The following GABRB2 variants were observed in gnomAD, a reference collection of about 807,000 sequenced individuals.
The protein encoded by GABRB2 is gamma-aminobutyric acid receptor subunit beta-2.
GABRB2 carries 16 observed loss-of-function variants against 54.7 expected under a neutral mutation model. The ratio of observed to expected loss-of-function variants is 0.29; its 90% CI spans 0.20 to 0.44. The LOEUF (loss-of-function observed/expected upper bound fraction) is 0.44. Ranked by LOEUF, GABRB2 falls within the 20% of genes least tolerant of loss-of-function variation. The pLI is 1.00. For synonymous variants in GABRB2, 244 were observed against 233.8 expected (o/e 1.04, Z -0.40); for missense variants, 355 against 644.0 (o/e 0.55, Z 4.86).
chr5:161,339,508 A>G (rs1376372384), intron 5 of GABRB2, among the ~76,000 whole-genome samples: 2 of 152,116 alleles, frequency 1.3e-5, no homozygotes, highest in Admixed American at 6.6e-5. Context: ...TAAGCATTCC[A>G]GATAATTCTA....
At chr5:161,330,719 C>T (rs1458919778) in intron 8 of GABRB2, 164 bp downstream of exon 8, 3 of 970,950 alleles carry the variant, frequency 3.1e-6, no homozygotes, top group Non-Finnish European at 3.0e-6. Context: ...GAGTTTGGTC[C>T]CTAATTGTGC....
At chr5:161,454,929 T>C (rs1757905159) in intron 4 of GABRB2, among the ~76,000 whole-genome samples, 1 of 152,204 alleles carries the variant, frequency 6.6e-6, no homozygotes, top group South Asian at 2.1e-4. Flanking sequence ...ATTTTCATAC[T>C]GAAAAGCAAA....
intron 3 of GABRB2, among the ~76,000 whole-genome samples, chr5:161,488,457 T>A (rs1029365051): frequency 5.7e-4 from 86 of 151,844 alleles, no homozygotes; most frequent in African/African-American, 2.0e-3. Context: ...TAACATGTAG[T>A]TTTGGTGAAA....
chr5:161,296,685 T>A (rs1031229403), intron 9 of GABRB2, among the ~76,000 whole-genome samples: 2 of 152,216 alleles, frequency 1.3e-5, no homozygotes, highest in African/African-American at 4.8e-5. Context: ...TGATTGAACA[T>A]CCAATGTGTG....
At chr5:161,460,002 T>C (rs1054092592) in intron 3 of GABRB2, among the ~76,000 whole-genome samples, 158 bp from the exon 4 acceptor site, 23 of 152,216 alleles carry the variant, frequency 1.5e-4, no homozygotes, top group African/African-American at 5.5e-4. Flanking sequence ...TGGAGTGCAC[T>C]GGCACGATCT....
Position 161,501,872 on chromosome 5 carries a change from TA to T in GABRB2, c.238-42029del, listed in dbSNP as rs981709947. Among the ~76,000 whole-genome samples, 489 of 149,536 alleles carry T rather than the reference TA, an allele frequency of 3.3e-3. 3 individuals carry two copies. Among genetic ancestry groups the T allele is most frequent in the Non-Finnish European group, 5.5e-3 (374 of 67,432 alleles). On this transcript the variant is annotated intron_variant, in intron 3 of 9. Transcript: ENST00000393959. The stretch of plus-strand genomic sequence containing the variant: ...AACCTAAAATATAAGTTAAATAACC[TA>T]AAATATAAAATATCTTAATAAACAT...
chr5:161,291,451 C>T lies in GABRB2; in HGVS notation c.*2630G>A, dbSNP rs1396324971. On this transcript the variant is annotated 3_prime_UTR_variant, in exon 10 of 10. Transcript: ENST00000393959. ...TTTCAACGAAACATATATTTAAGAA[C>T]AAATTCTACATCTACTGTTATTTCT... is the stretch of plus-strand genomic sequence containing the variant. The T allele has an allele frequency of 2.6e-5, 4 of 152,080 alleles. No homozygotes were observed. In the South Asian group the frequency reaches 6.2e-4, roughly 24 times the overall value. 9.4% of individuals were successfully genotyped at this position (152,080 alleles called of 1,614,324 possible).
At chr5:161,319,575 A>C (rs1024988847) in intron 9 of GABRB2, among the ~76,000 whole-genome samples, 1 of 151,390 alleles carries the variant, frequency 6.6e-6, no homozygotes, top group African/African-American at 2.4e-5. Flanking sequence ...TTTCAAAAAA[A>C]TTTTCCCCAC....
chr5:161,513,878 A>G (rs967485208), intron 3 of GABRB2, among the ~76,000 whole-genome samples: 1 of 152,184 alleles, frequency 6.6e-6, no homozygotes, highest in Non-Finnish European at 1.5e-5. Flanking sequence ...AATTGCAACA[A>G]AAATCACACA....
At chr5:161,489,051 T>C (rs1759019702) in intron 3 of GABRB2, among the ~76,000 whole-genome samples, 1 of 151,882 alleles carries the variant, frequency 6.6e-6, no homozygotes, top group South Asian at 2.1e-4. Context: ...CTGATCATCA[T>C]CTGATGGTTG....
chr5:161,489,347 G>A (rs1396841769), intron 3 of GABRB2, among the ~76,000 whole-genome samples: 1 of 151,640 alleles, frequency 6.6e-6, no homozygotes, highest in Admixed American at 6.6e-5. Context: ...GGGTAACATT[G>A]ATTTAGCTCG....
At chr5:161,445,290 T>C (rs1757585545) in intron 4 of GABRB2, among the ~76,000 whole-genome samples, 3 of 152,188 alleles carry the variant, frequency 2.0e-5, no homozygotes, top group South Asian at 4.1e-4. Flanking sequence ...GGTAAAGTAG[T>C]TGGCTTTCTC....
At chr5:161,341,672 T>C (rs547846561) in intron 5 of GABRB2, among the ~76,000 whole-genome samples, 102 of 151,678 alleles carry the variant, frequency 6.7e-4, no homozygotes, top group African/African-American at 2.3e-3. Context: ...ATCTAAGAAA[T>C]AGAAATACCA....
chr5:161,352,148 CA>C (rs1302462691), intron 5 of GABRB2, among the ~76,000 whole-genome samples: 1 of 151,788 alleles, frequency 6.6e-6, no homozygotes, highest in East Asian at 1.9e-4. Context: ...AGAAGTTCTT[CA>C]AAAACTTAAA....
intron 3 of GABRB2, among the ~76,000 whole-genome samples, chr5:161,494,253 TAGAA>T (rs1759162298): frequency 6.6e-6 from 1 of 151,952 alleles, no homozygotes; most frequent in African/African-American, 2.4e-5. Context: ...GTAATCTATT[TAGAA>T]AGATACCCAA....
intron 3 of GABRB2, among the ~76,000 whole-genome samples, chr5:161,544,282 G>A (rs546903890): frequency 6.6e-6 from 1 of 152,274 alleles, no homozygotes; most frequent in South Asian, 2.1e-4. Flanking sequence ...AGGACTGAAA[G>A]TAACACTGGA....
At chr5:161,369,876 A>C (rs1308481806) in intron 5 of GABRB2, among the ~76,000 whole-genome samples, 1 of 152,138 alleles carries the variant, frequency 6.6e-6, no homozygotes, top group African/African-American at 2.4e-5. Flanking sequence ...TGTGAAGGCA[A>C]TTTTAATGAT....
At chr5:161,341,936 T>TA (rs1335348323) in intron 5 of GABRB2, among the ~76,000 whole-genome samples, 49 of 54,838 alleles carry the variant, frequency 8.9e-4, no homozygotes, top group African/African-American at 1.2e-3. Flanking sequence ...TATTTTTTCT[T>TA]TTATATATAT....
At chr5:161,499,941 G>A (rs1759378856) in intron 3 of GABRB2, among the ~76,000 whole-genome samples, 1 of 152,010 alleles carries the variant, frequency 6.6e-6, no homozygotes, top group African/African-American at 2.4e-5. Flanking sequence ...CAAATACCAA[G>A]CCCACTGGCT....
Sources: gnomAD v4.1 joint callset for allele counts (sites outside exome capture counted in the v4.1 genomes callset) on GRCh38, gnomAD v4.1.1 for gene constraint, MANE v1.5 for transcripts, NCBI Gene and HGNC (gene_info 2026-07-23, HGNC 2026-07-21) for gene names.